CTR9: variants seen among roughly 807,000 people sequenced by gnomAD.
The protein encoded by CTR9 is RNA polymerase-associated protein CTR9 homolog.
CTR9 carries 41 observed loss-of-function variants against 152.1 expected under a neutral mutation model. The ratio of observed to expected loss-of-function variants is 0.27; its 90% CI spans 0.21 to 0.35. The LOEUF (loss-of-function observed/expected upper bound fraction) is 0.35, where lower values mean the gene tolerates loss of function less well. Ranked by LOEUF, CTR9 falls within the 10% of genes least tolerant of loss-of-function variation. The pLI, the probability that CTR9 is intolerant of heterozygous loss-of-function variation, is 1.00. For synonymous variants in CTR9, 476 were observed against 496.2 expected (o/e 0.96, Z 0.54); for missense variants, 917 against 1,424.4 (o/e 0.64, Z 5.73).
intron 16 of CTR9, among the ~76,000 whole-genome samples, 165 bp from the exon 17 acceptor site, chr11:10,770,045 T>C (rs1863119124): frequency 6.6e-6 from 1 of 152,264 alleles, no homozygotes; most frequent in Non-Finnish European, 1.5e-5. Flanking sequence ...AAATGTATCC[T>C]GATGAATGTC....
chr11:10,768,765 T>G (rs1863098048), intron 16 of CTR9, among the ~76,000 whole-genome samples: 1 of 152,240 alleles, frequency 6.6e-6, no homozygotes. Flanking sequence ...TACCTTAACT[T>G]CATAGAATTT....
chr11:10,779,097 A>G lies in CTR9; in HGVS notation c.3514A>G (p.Ser1172Gly). 6.2e-7 allele frequency: 1 copy of G among 1,606,408 alleles called. No homozygotes were observed. Among genetic ancestry groups the G allele is most frequent in the Non-Finnish European group, 8.5e-7 (1 of 1,174,608 alleles). Residue 1172 changes from serine to glycine, a missense_variant, in exon 25 of 25, where the codon AGT becomes GGT. Ser to Gly is a moderately conservative substitution (Grantham distance 56). This residue lies in a region of CTR9 where 384 missense variants were observed against 398.4 expected (regional missense o/e 0.96). Coordinates refer to ENST00000361367, the MANE Select transcript of CTR9 (RefSeq NM_014633.5). ...DRGSEHGSDD[S>G]D is the part of the protein sequence containing the mutation. The stretch of plus-strand genomic sequence containing the variant: ...AGGCTCAGAACATGGGTCAGATGAT[A>G]GTGACTAGGTTTTATTTCATCAATA...
intron 20 of CTR9, 35 bp downstream of exon 20, chr11:10,772,690 G>T: frequency 6.4e-7 from 1 of 1,559,978 alleles, no homozygotes; most frequent in South Asian, 1.2e-5. Flanking sequence ...TGGAATTAAT[G>T]AATTGTGTGC....
intron 22 of CTR9, 198 bp downstream of exon 22, chr11:10,774,367 C>T: frequency 4.1e-6 from 2 of 487,116 alleles, no homozygotes; most frequent in South Asian, 4.1e-5. Flanking sequence ...CCATACGTCT[C>T]CACAGCTTTC....
intron 2 of CTR9, among the ~76,000 whole-genome samples, chr11:10,754,114 C>T (rs10840487): frequency 2.0e-5 from 3 of 152,106 alleles, no homozygotes; most frequent in Admixed American, 1.3e-4. Context: ...CTCAAGCCAT[C>T]CTGCCACTAC....
chr11:10,779,157 G>A lies in CTR9; in HGVS notation c.*52G>A, dbSNP rs138709238. 2.3e-3 allele frequency: 3,384 copies of A among 1,497,372 alleles called. 53 individuals carry two copies. In the African/African-American group the frequency reaches 0.035, roughly 16 times the overall value. The allele number at this position is 1,497,372 out of a possible 1,614,324, so 92.8% of individuals were successfully genotyped here. ...TCTGGAGGAAACTTTTTTAATATAT[G>A]AAAGCTGTGATAAAAATGTTTCAGA... On this transcript the variant is annotated 3_prime_UTR_variant, in exon 25 of 25. Transcript: ENST00000361367.
At position 10,767,700 on chromosome 11, in the gene CTR9, G is replaced by T; in HGVS notation, c.1687-106G>T. The T allele has an allele frequency of 1.0e-6, 1 of 959,170 alleles. No homozygotes were observed. Among genetic ancestry groups the T allele is most frequent in the Non-Finnish European group, 1.6e-6 (1 of 632,360 alleles). 59.4% of individuals were successfully genotyped at this position (959,170 alleles called of 1,614,324 possible). A position where few individuals can be genotyped will look rare whatever the true frequency, so the allele number is the denominator to read the frequency against. ...AAAGAAAAGAAAGAAAACCACTGTT[G>T]TAATATAGTTTGTAAACCTCTTCAG... On this transcript the variant is annotated intron_variant, in intron 13 of 24. Transcript: ENST00000361367. The surrounding 1 kb of genome is among the most constrained non-coding windows in gnomAD (Gnocchi z 4.0).
rs869312709 is a variant in CTR9 at position 10,763,811 on chromosome 11, G to A, written c.1126G>A (p.Glu376Lys). 6.2e-7 allele frequency: 1 copy of A among 1,613,794 alleles called. No individual in the cohort carries two copies. ...KVLKAYPNNY[E>K]TMKILGSLYA... is the part of the protein sequence containing the mutation. The stretch of plus-strand genomic sequence containing the variant: ...TTTGAAAGCTTATCCTAATAATTAC[G>A]AAACTATGAAAATTCTCGGCTCTCT... Residue 376 changes from glutamate (E) to lysine (K), a missense_variant, in exon 9 of 25, where the codon GAA becomes AAA. Glu to Lys is a moderately conservative substitution (Grantham distance 56). This residue lies in a region of CTR9 where 133 missense variants were observed against 244.1 expected (regional missense o/e 0.54). Coordinates refer to ENST00000361367, the MANE Select transcript of CTR9 (RefSeq NM_014633.5).
intron 2 of CTR9, 118 bp from the exon 3 acceptor site, chr11:10,754,840 A>G: frequency 9.7e-7 from 1 of 1,035,204 alleles, no homozygotes; most frequent in South Asian, 1.7e-5. Flanking sequence ...CTGTTAATCA[A>G]CATTTTGATT....
At chr11:10,765,375 GT>G (rs1283285450) in intron 12 of CTR9, among the ~76,000 whole-genome samples, 1 of 151,862 alleles carries the variant, frequency 6.6e-6, no homozygotes, top group Non-Finnish European at 1.5e-5. Context: ...GTGTATGAGG[GT>G]TTTTTTGTTT....
In CTR9 at chr11:10,764,296, A is replaced by T; in HGVS notation, c.1285-12A>T. ...CCACTTACACCTTTTTCTGTCAATC[A>T]TGAAAATACAGGGTGCCCTTTCAGC... On this transcript the variant is annotated splice_polypyrimidine_tract_variant and intron_variant, in intron 10 of 24. Coordinates refer to ENST00000361367, the MANE Select transcript of CTR9 (RefSeq NM_014633.5). 1 of 1,613,940 alleles carries T rather than the reference A, an allele frequency of 6.2e-7. No homozygotes were observed. The highest frequency in any genetic ancestry group is 8.5e-7 in the Non-Finnish European group (1 of 1,179,916).
intron 5 of CTR9, among the ~76,000 whole-genome samples, chr11:10,757,799 A>T (rs1276176793): frequency 6.6e-6 from 1 of 152,172 alleles, no homozygotes; most frequent in Non-Finnish European, 1.5e-5. Flanking sequence ...TAAAGTATGT[A>T]TGATGTGTAA....
At chr11:10,768,839 A>G (rs1342138170) in intron 16 of CTR9, among the ~76,000 whole-genome samples, 2 of 152,250 alleles carry the variant, frequency 1.3e-5, no homozygotes, top group Non-Finnish European at 2.9e-5. Flanking sequence ...AATACCCAGT[A>G]AGTAGTAGGA....
Position 10,755,163 on chromosome 11 carries a change from A to G in CTR9, c.350A>G (p.Tyr117Cys). ...CTTATTACACAGGCCACCTTGTTGT[A>G]TACAATGGCCGATAAAATTATTATG... is the stretch of plus-strand genomic sequence containing the variant. ...KDLITQATLLYTMADKIIMYD... is the reference protein window; with the variant it reads ...KDLITQATLLCTMADKIIMYD... Residue 117 changes from tyrosine to cysteine, a missense_variant, in exon 3 of 25, where the codon TAT becomes TGT. Tyr to Cys is a radical substitution (Grantham distance 194). Transcript: ENST00000361367. 2 of 1,612,004 alleles carry G rather than the reference A, an allele frequency of 1.2e-6. No individual in the cohort carries two copies. Among genetic ancestry groups the G allele is most frequent in the Non-Finnish European group, 8.5e-7 (1 of 1,179,350 alleles).
intron 12 of CTR9, among the ~76,000 whole-genome samples, chr11:10,765,690 G>A (rs1359001222): frequency 6.6e-6 from 1 of 152,226 alleles, no homozygotes; most frequent in Non-Finnish European, 1.5e-5. Context: ...TAGAACTCCT[G>A]ACTTCAGGTG....
intron 15 of CTR9, 62 bp from the exon 16 acceptor site, chr11:10,768,281 T>G: frequency 6.3e-7 from 1 of 1,578,086 alleles, no homozygotes. Context: ...AAATAGAATT[T>G]TTAGTTGTTT....
Position 10,763,696 on chromosome 11 carries a change from A to T in CTR9, c.1011A>T (p.Ser337=), listed in dbSNP as rs766307708. 3.0e-5 allele frequency: 49 copies of T among 1,613,904 alleles called. No homozygotes were observed. The highest frequency in any genetic ancestry group is 4.1e-5 in the Non-Finnish European group (48 of 1,180,000). ...ATTATCAAGCCACACAGTTTGCCTC[A>T]TCCTCTTTTGTGCTCCCATTTTTTG... The part of the protein sequence containing the change: ...QYYYQATQFA[S]SSFVLPFFGL... The change falls in exon 9 of 25, where the codon TCA becomes TCT. Residue 337 remains serine, a synonymous_variant. Coordinates refer to ENST00000361367, the MANE Select transcript of CTR9 (RefSeq NM_014633.5).
Position 10,775,614 on chromosome 11 carries a change from C to G in CTR9, c.3076C>G (p.Leu1026Val). 6.2e-7 allele frequency: 1 copy of G among 1,608,812 alleles called. No individual in the cohort carries two copies. Among genetic ancestry groups the G allele is most frequent in the Non-Finnish European group, 8.5e-7 (1 of 1,176,298 alleles). Reference sequence around the variant, plus strand: ...TGATGACTCTTCGGATGAGGATAAACTTAAAATTGCTGATGAAGGGTAGGA... The same window carrying G: ...TGATGACTCTTCGGATGAGGATAAAGTTAAAATTGCTGATGAAGGGTAGGA... ...SSDDSSDEDK[L>V]KIADEGHPRN... Residue 1026 changes from leucine to valine, a missense_variant, in exon 24 of 25, where the codon CTT becomes GTT. By Grantham distance (32) the Leu-to-Val change is conservative (BLOSUM62 1). Around this residue, in one of 9 missense-constraint regions of CTR9, gnomAD observed 384 missense variants for 398.4 expected, o/e 0.96. Coordinates refer to ENST00000361367, the MANE Select transcript of CTR9 (RefSeq NM_014633.5).
At chr11:10,778,616 C>G (rs1863278466) in intron 24 of CTR9, 63 bp from the exon 25 acceptor site, 2 of 1,477,540 alleles carry the variant, frequency 1.4e-6, no homozygotes, top group Non-Finnish European at 1.8e-6. Flanking sequence ...AGCACATTGT[C>G]TGCTCATCAA....
Sources: allele counts gnomAD v4.1 joint callset (sites outside exome capture counted in the v4.1 genomes callset), GRCh38; gene constraint gnomAD v4.1.1; regional missense constraint gnomAD v4.1.1; non-coding constraint Gnocchi (gnomAD v3.1); transcripts MANE v1.5; gene names NCBI Gene and HGNC (gene_info 2026-07-23, HGNC 2026-07-21).